The following SCAPER variants were observed in gnomAD, a reference collection of about 807,000 sequenced individuals.
SCAPER encodes S phase cyclin A-associated protein in the endoplasmic reticulum.
SCAPER carries 98 observed loss-of-function variants against 182.2 expected under a neutral mutation model. The observed-to-expected ratio is 0.54, with a 90% confidence interval of 0.46 to 0.64. The LOEUF (loss-of-function observed/expected upper bound fraction) is 0.64, where lower values mean the gene tolerates loss of function less well. Among genes scored for constraint, SCAPER ranks in the 30% least tolerant of loss-of-function variants. The probability of loss-of-function intolerance (pLI) is 0.00; values close to 1 mark genes in which losing one functional copy is unlikely to be tolerated. For missense variants in SCAPER, 1,432 were observed against 1,690.0 expected, an observed-to-expected ratio of 0.85 and a Z score of 2.68; for synonymous variants, 605 against 564.6, an observed-to-expected ratio of 1.07 and a Z score of -1.01.
Position 76,683,930 on chromosome 15 carries a change from T to C in SCAPER, c.2508+17828A>G, listed in dbSNP as rs529809470. Among the ~76,000 whole-genome samples the C allele has an allele frequency of 4.8e-3, 724 of 152,098 alleles. 6 individuals are homozygous for C. Among genetic ancestry groups the C allele is most frequent in the Non-Finnish European group, 8.2e-3 (554 of 67,962 alleles). On this transcript the variant is annotated intron_variant, in intron 20 of 31. Transcript: ENST00000563290. Reference sequence around the variant, plus strand: ...GCCTTGTAATGGAGCAAGACCACGTTTCTAAAAATTAAAAAGAATTTCACA... The same window carrying C: ...GCCTTGTAATGGAGCAAGACCACGTCTCTAAAAATTAAAAAGAATTTCACA...
intron 15 of SCAPER, among the ~76,000 whole-genome samples, chr15:76,752,926 C>T (rs570106885): frequency 6.6e-6 from 1 of 151,724 alleles, no homozygotes; most frequent in South Asian, 2.1e-4. Flanking sequence ...AGACTCTATA[C>T]ATGTATTTAA....
intron 23 of SCAPER, among the ~76,000 whole-genome samples, chr15:76,532,035 T>A (rs993276562): frequency 3.3e-5 from 5 of 152,224 alleles, no homozygotes; most frequent in African/African-American, 1.2e-4. Flanking sequence ...AAAAATATTT[T>A]AAAATAGTAG....
intron 23 of SCAPER, among the ~76,000 whole-genome samples, chr15:76,563,221 T>C (rs2046779472): frequency 6.6e-6 from 1 of 152,198 alleles, no homozygotes; most frequent in South Asian, 2.1e-4. Flanking sequence ...GGTTTTTGCC[T>C]TCATAGTTTT....
intron 1 of SCAPER, among the ~76,000 whole-genome samples, chr15:76,888,100 G>A (rs1325214746): frequency 1.3e-5 from 2 of 152,168 alleles, no homozygotes; most frequent in Non-Finnish European, 2.9e-5. Context: ...ACTGTTAGAA[G>A]GAAAACTAAC....
chr15:76,512,491 C>T (rs1597124320), intron 23 of SCAPER, among the ~76,000 whole-genome samples: 1 of 151,650 alleles, frequency 6.6e-6, no homozygotes, highest in African/African-American at 2.4e-5. Context: ...TTAAGCCAAG[C>T]AGAAACACCG....
intron 23 of SCAPER, among the ~76,000 whole-genome samples, chr15:76,516,929 T>G (rs2042471706): frequency 6.6e-6 from 1 of 152,188 alleles, no homozygotes; most frequent in South Asian, 2.1e-4. Context: ...TCTTCACATA[T>G]AAGTCCTCAC....
At chr15:76,741,673 C>T (rs1022883255) in intron 15 of SCAPER, among the ~76,000 whole-genome samples, 11 of 152,064 alleles carry the variant, frequency 7.2e-5, no homozygotes, top group African/African-American at 2.7e-4. Flanking sequence ...CTGGCTGATA[C>T]ACAAAAAGTT....
intron 22 of SCAPER, among the ~76,000 whole-genome samples, chr15:76,616,345 T>C (rs1318132329): frequency 3.9e-5 from 6 of 152,150 alleles, no homozygotes; most frequent in Non-Finnish European, 1.5e-5. Context: ...GAGGATATTA[T>C]GATAAATGAA....
At chr15:76,904,121 G>A (rs187549075) in intron 1 of SCAPER, among the ~76,000 whole-genome samples, 10 of 152,268 alleles carry the variant, frequency 6.6e-5, no homozygotes, top group Middle Eastern at 6.8e-3. Flanking sequence ...AGAAATAACA[G>A]AAGGGAAAGA....
intron 2 of SCAPER, among the ~76,000 whole-genome samples, chr15:76,876,365 C>T (rs987282497): frequency 1.3e-5 from 2 of 150,914 alleles, no homozygotes; most frequent in African/African-American, 4.9e-5. Context: ...TGCCAGCACG[C>T]TGTCACCTCT....
intron 31 of SCAPER, chr15:76,349,021 G>C (rs1006364899): frequency 9.9e-6 from 2 of 201,780 alleles, no homozygotes; most frequent in African/African-American, 4.7e-5. Context: ...ACTCCACAAT[G>C]AGAAAAAAAT....
At chr15:76,680,722 C>G (rs993141986) in intron 20 of SCAPER, among the ~76,000 whole-genome samples, 3 of 152,128 alleles carry the variant, frequency 2.0e-5, no homozygotes, top group Non-Finnish European at 4.4e-5. Flanking sequence ...TCCTCTCTCA[C>G]CATGTGATCT....
At chr15:76,581,749 C>T (rs998728189) in intron 22 of SCAPER, among the ~76,000 whole-genome samples, 9 of 152,050 alleles carry the variant, frequency 5.9e-5, no homozygotes, top group Admixed American at 3.3e-4. Context: ...CCATGCCTGG[C>T]TAATTTTTTG....
intron 26 of SCAPER, among the ~76,000 whole-genome samples, chr15:76,415,797 G>T (rs2045605027): frequency 6.6e-6 from 1 of 152,144 alleles, no homozygotes; most frequent in Admixed American, 6.5e-5. Context: ...ATAGGGAAGG[G>T]GAGGGGGAGG....
intron 29 of SCAPER, among the ~76,000 whole-genome samples, chr15:76,373,323 C>T (rs1596334810): frequency 6.6e-6 from 1 of 152,188 alleles, no homozygotes; most frequent in African/African-American, 2.4e-5. Flanking sequence ...GCTGGGATTA[C>T]AGGCGTGAGC....
intron 5 of SCAPER, among the ~76,000 whole-genome samples, chr15:76,839,748 G>C (rs550336251): frequency 6.6e-6 from 1 of 152,244 alleles, no homozygotes; most frequent in South Asian, 2.1e-4. Context: ...ATAAGTGACA[G>C]AACCAGAAAT....
intron 14 of SCAPER, among the ~76,000 whole-genome samples, chr15:76,758,995 G>C (rs541213225): frequency 1.3e-5 from 2 of 152,024 alleles, no homozygotes; most frequent in African/African-American, 4.8e-5. Context: ...GAATCTTTAA[G>C]GTTTTCTATA....
chr15:76,576,189 C>G (rs1048397397), intron 22 of SCAPER, among the ~76,000 whole-genome samples: 7 of 152,196 alleles, frequency 4.6e-5, no homozygotes, highest in South Asian at 4.1e-4. Flanking sequence ...AGGCAAGACC[C>G]AGTTTCTACA....
In SCAPER at chr15:76,520,762, T is replaced by G. The variant is rs532161800; in HGVS notation, c.2839-15788A>C. On this transcript the variant is annotated intron_variant, in intron 23 of 31. Coordinates refer to ENST00000563290, the MANE Select transcript of SCAPER (RefSeq NM_020843.4). ...TCAGAGAAAATAAGTAGTTGGCTTA[T>G]GATTATATAAATAGTAAGTGCTGAT... Among the ~76,000 whole-genome samples the G allele has an allele frequency of 1.1e-4, 16 of 152,216 alleles. No homozygotes were observed. The South Asian group carries it at 3.3e-3, about 32-fold the overall frequency.
Sources: allele counts gnomAD v4.1 joint callset (sites outside exome capture counted in the v4.1 genomes callset), GRCh38; gene constraint gnomAD v4.1.1; transcripts MANE v1.5; gene names NCBI Gene and HGNC (gene_info 2026-07-23, HGNC 2026-07-21).